The following BRINP2 variants were observed in gnomAD, a reference collection of about 807,000 sequenced individuals.
BRINP2 encodes BMP/retinoic acid-inducible neural-specific protein 2.
BRINP2 carries 21 observed loss-of-function variants against 69.2 expected under a neutral mutation model. The observed-to-expected ratio is 0.30, with a 90% CI of 0.22 to 0.44. The LOEUF (loss-of-function observed/expected upper bound fraction) is 0.44, where lower values mean the gene tolerates loss of function less well. BRINP2 is among the 20% of genes least tolerant of loss of function. The pLI is 1.00. For missense variants in BRINP2, 877 were observed against 986.0 expected (o/e 0.89, Z 1.48); for synonymous variants, 380 against 394.1 (o/e 0.96, Z 0.42).
chr1:177,272,390 T>C (rs545699591), intron 4 of BRINP2, among the ~76,000 whole-genome samples: 1 of 152,366 alleles, frequency 6.6e-6, no homozygotes, highest in Non-Finnish European at 1.5e-5. Context: ...AAGCCTGGAA[T>C]GTATTATACA....
At chr1:177,182,339 T>C (rs1361980412) in intron 1 of BRINP2, among the ~76,000 whole-genome samples, 6 of 152,146 alleles carry the variant, frequency 3.9e-5, no homozygotes, top group African/African-American at 9.7e-5. Flanking sequence ...TGATTTAATG[T>C]GCTGCCCTCC....
At chr1:177,268,870 C>T (rs987630982) in intron 4 of BRINP2, among the ~76,000 whole-genome samples, 3 of 152,152 alleles carry the variant, frequency 2.0e-5, no homozygotes, top group Admixed American at 6.5e-5. Flanking sequence ...ACTAAGAAGA[C>T]GGGATTGGTT....
intron 2 of BRINP2, among the ~76,000 whole-genome samples, chr1:177,248,072 G>A (rs562622249): frequency 2.0e-5 from 3 of 152,298 alleles, no homozygotes; most frequent in African/African-American, 7.2e-5. Context: ...CGCAGAGGTA[G>A]AAAGATGAAA....
At chr1:177,252,436 T>C (rs1041445980) in intron 2 of BRINP2, among the ~76,000 whole-genome samples, 1 of 152,174 alleles carries the variant, frequency 6.6e-6, no homozygotes, top group Non-Finnish European at 1.5e-5. Context: ...ATTTTAATTT[T>C]AAAAATTTTG....
intron 1 of BRINP2, among the ~76,000 whole-genome samples, chr1:177,189,652 A>G (rs1648530197): frequency 6.6e-6 from 1 of 152,188 alleles, no homozygotes; most frequent in Non-Finnish European, 1.5e-5. Flanking sequence ...CAATATAAAT[A>G]CTTCTCAACT....
At chr1:177,277,250 G>C (rs1352589061) in intron 6 of BRINP2, among the ~76,000 whole-genome samples, 1 of 151,340 alleles carries the variant, frequency 6.6e-6, no homozygotes, top group Admixed American at 6.6e-5. Flanking sequence ...TTACAAACAG[G>C]ATACCCAATA....
intron 4 of BRINP2, among the ~76,000 whole-genome samples, chr1:177,263,556 C>A (rs967138816): frequency 7.9e-5 from 12 of 152,246 alleles, no homozygotes; most frequent in African/African-American, 2.2e-4. Flanking sequence ...TCAGGGTCAG[C>A]TATATCGTGG....
intron 4 of BRINP2, among the ~76,000 whole-genome samples, chr1:177,270,806 C>A (rs1320325879): frequency 6.6e-6 from 1 of 152,154 alleles, no homozygotes; most frequent in Non-Finnish European, 1.5e-5. Flanking sequence ...TTCAGCCCAC[C>A]CTACCCTAGA....
intron 1 of BRINP2, among the ~76,000 whole-genome samples, chr1:177,181,107 A>G (rs535526698): frequency 1.3e-5 from 2 of 152,362 alleles, no homozygotes; most frequent in African/African-American, 4.8e-5. Flanking sequence ...AGAGAGGTTA[A>G]GTCAATTACC....
chr1:177,189,744 T>A (rs558376164), intron 1 of BRINP2, among the ~76,000 whole-genome samples: 2 of 152,264 alleles, frequency 1.3e-5, no homozygotes, highest in East Asian at 3.9e-4. Context: ...CCTGATGGAG[T>A]AAGACATTGT....
At chr1:177,245,121 C>A (rs1650334264) in intron 2 of BRINP2, among the ~76,000 whole-genome samples, 1 of 151,988 alleles carries the variant, frequency 6.6e-6, no homozygotes, top group African/African-American at 2.4e-5. Flanking sequence ...TTCCTAGAAA[C>A]AGAGGGTCTC....
At chr1:177,189,293 C>T (rs1260315568) in intron 1 of BRINP2, among the ~76,000 whole-genome samples, 5 of 152,188 alleles carry the variant, frequency 3.3e-5, no homozygotes, top group South Asian at 2.1e-4. Context: ...GATTTTCTGC[C>T]ATTGAGTCAC....
chr1:177,270,348 C>A (rs1188047017), intron 4 of BRINP2, among the ~76,000 whole-genome samples: 1 of 152,170 alleles, frequency 6.6e-6, no homozygotes, highest in Non-Finnish European at 1.5e-5. Context: ...AATTCCCATC[C>A]TTGTGCCACA....
In BRINP2 at chr1:177,215,770, C is replaced by T. The variant is rs193081774; in HGVS notation, c.-76-14031C>T. Among the ~76,000 whole-genome samples the T allele has an allele frequency of 2.7e-3, 410 of 152,102 alleles. 1 individual carries two copies. The highest frequency in any genetic ancestry group is 9.5e-3 in the African/African-American group (396 of 41,514). Reference sequence around the variant, plus strand: ...AAGAGTGGGCATCCTTGACTTGTTCCAGAATTTAGAGGGAAGAGTTTCAAT... The same window carrying T: ...AAGAGTGGGCATCCTTGACTTGTTCTAGAATTTAGAGGGAAGAGTTTCAAT... On this transcript the variant is annotated intron_variant, in intron 1 of 7. Coordinates refer to ENST00000361539, the MANE Select transcript of BRINP2 (RefSeq NM_021165.4).
intron 2 of BRINP2, among the ~76,000 whole-genome samples, chr1:177,251,529 C>T (rs1250646337): frequency 6.6e-6 from 1 of 152,170 alleles, no homozygotes; most frequent in Non-Finnish European, 1.5e-5. Flanking sequence ...ACTTCATCCA[C>T]ACTACTTTCT....
intron 2 of BRINP2, among the ~76,000 whole-genome samples, chr1:177,240,974 TA>T (rs1373263493): frequency 6.6e-6 from 1 of 151,742 alleles, no homozygotes. Flanking sequence ...CTGGAGCCAA[TA>T]TTTTTTTTTT....
chr1:177,271,050 G>A (rs1394076272), intron 4 of BRINP2, among the ~76,000 whole-genome samples: 1 of 152,202 alleles, frequency 6.6e-6, no homozygotes, highest in Non-Finnish European at 1.5e-5. Flanking sequence ...GAACACTGGG[G>A]TTGTTTAAGT....
At chr1:177,221,579 T>C (rs1649533764) in intron 1 of BRINP2, among the ~76,000 whole-genome samples, 1 of 151,774 alleles carries the variant, frequency 6.6e-6, no homozygotes, top group Non-Finnish European at 1.5e-5. Context: ...TCCTGGGAGG[T>C]TTTTAAAAAA....
intron 1 of BRINP2, among the ~76,000 whole-genome samples, chr1:177,194,996 G>A (rs1648701715): frequency 6.6e-6 from 1 of 151,964 alleles, no homozygotes; most frequent in Admixed American, 6.6e-5. Flanking sequence ...AATACCTCTC[G>A]ATCATCTATT....
Sources: gnomAD v4.1 joint callset for allele counts (sites outside exome capture counted in the v4.1 genomes callset) on GRCh38, gnomAD v4.1.1 for gene constraint, MANE v1.5 for transcripts, NCBI Gene and HGNC (gene_info 2026-07-23, HGNC 2026-07-21) for gene names.